TUSC3: variants seen among roughly 807,000 people sequenced by gnomAD.
TUSC3 encodes the protein dolichyl-diphosphooligosaccharide--protein glycosyltransferase subunit TUSC3.
TUSC3 carries 45 observed loss-of-function variants against 44.8 expected under a neutral mutation model. The ratio of observed to expected loss-of-function variants is 1.00; its 90% CI spans 0.79 to 1.29. The LOEUF is 1.29. Among genes scored for constraint, TUSC3 ranks in the 50% most tolerant of loss-of-function variants. TUSC3 has a pLI of 0.00. For missense variants in TUSC3, 519 were observed against 437.9 expected, an observed-to-expected ratio of 1.19 and a Z score of -1.65; for synonymous variants, 212 against 152.9, an observed-to-expected ratio of 1.39 and a Z score of -2.85.
At chr8:15,425,593 A>G (rs972657143) in intron 1 of TUSC3, among the ~76,000 whole-genome samples, 1 of 152,254 alleles carries the variant, frequency 6.6e-6, no homozygotes, top group Non-Finnish European at 1.5e-5. Flanking sequence ...AGAAGTTTGT[A>G]TGTAAGTTCA....
intron 1 of TUSC3, among the ~76,000 whole-genome samples, chr8:15,583,288 A>G (rs1232156080): frequency 2.0e-5 from 3 of 152,222 alleles, no homozygotes; most frequent in Non-Finnish European, 4.4e-5. Context: ...ATTATGTTCA[A>G]TTCTTTTTTG....
chr8:15,574,358 TATG>T (rs1443598326), intron 1 of TUSC3, among the ~76,000 whole-genome samples: 2 of 152,138 alleles, frequency 1.3e-5, no homozygotes, highest in African/African-American at 4.8e-5. Context: ...TTGTACAGAT[TATG>T]GAGTTGTCAA....
the TUSC3 span, among the ~76,000 whole-genome samples, chr8:15,779,883 A>G: frequency 0.063 from 9,634 of 152,298 alleles, 520 homozygotes; most frequent in African/African-American, 0.15. Context: ...TCTGTGTCAT[A>G]CTTAATGGTG....
intron 2 of TUSC3, among the ~76,000 whole-genome samples, chr8:15,491,175 TTGTC>T (rs1028477631): frequency 6.6e-6 from 1 of 152,058 alleles, no homozygotes; most frequent in Non-Finnish European, 1.5e-5. Context: ...AGACCTGCCT[TTGTC>T]TCAGTAGAGT....
intron 7 of TUSC3, 172 bp from the exon 8 acceptor site, chr8:15,743,366 G>C (rs1811274521): frequency 1.5e-6 from 1 of 663,182 alleles, no homozygotes; most frequent in Admixed American, 2.6e-5. Context: ...TTAAAGTTAA[G>C]GCATATTTGC....
chr8:15,705,557 C>T (rs1352433201), intron 6 of TUSC3, among the ~76,000 whole-genome samples: 5 of 152,002 alleles, frequency 3.3e-5, no homozygotes, highest in African/African-American at 9.7e-5. Flanking sequence ...ACAAGACTTA[C>T]CTTTAAAATG....
chr8:15,642,659 T>A (rs1585184850), intron 2 of TUSC3, among the ~76,000 whole-genome samples: 1 of 152,192 alleles, frequency 6.6e-6, no homozygotes, highest in Non-Finnish European at 1.5e-5. Context: ...AGTTAACGCT[T>A]TCCTCATTTT....
chr8:15,426,818 G>A (rs150961002), intron 1 of TUSC3, among the ~76,000 whole-genome samples: 2 of 152,270 alleles, frequency 1.3e-5, no homozygotes, highest in African/African-American at 2.4e-5. Context: ...TGTACTGTAT[G>A]CCATAGCTAC....
intron 1 of TUSC3, 138 bp downstream of exon 1, chr8:15,540,706 G>A (rs892980333): frequency 8.1e-7 from 1 of 1,235,700 alleles, no homozygotes. Flanking sequence ...GGAGCCGCGA[G>A]GGTGGGAGGC....
Position 15,454,999 on chromosome 8 carries a change from C to G in TUSC3, n.92-28387C>G, listed in dbSNP as rs75709807. On this transcript the variant is annotated intron_variant and non_coding_transcript_variant, in intron 1 of 5. Transcript: ENST00000503191. ...ATTAGAGGCAAAAGACCAAGAAAACCATGGGGAATCTTAGGGGTTGGAGGG... is the reference window on the plus strand; with the variant it reads ...ATTAGAGGCAAAAGACCAAGAAAACGATGGGGAATCTTAGGGGTTGGAGGG... 3.7e-3 allele frequency among the ~76,000 whole-genome samples: 568 copies of G among 152,104 alleles called. 5 individuals carry two copies. The highest frequency in any genetic ancestry group is 0.013 in the African/African-American group (529 of 41,480).
At chr8:15,800,335 G>T in the TUSC3 span, among the ~76,000 whole-genome samples, 1 of 152,156 alleles carries the variant, frequency 6.6e-6, no homozygotes, top group Non-Finnish European at 1.5e-5. Flanking sequence ...AAGGCTGGGA[G>T]GCTAAGGTGG....
At position 15,552,477 on chromosome 8, in the gene TUSC3, G is replaced by C. The variant is rs185530392; in HGVS notation, c.138+11909G>C. ...AGAAGTCAATAAACTGGGAAATAAT[G>C]GGCGCTATACTAGCATATTGGGGTG... On this transcript the variant is annotated intron_variant, in intron 1 of 10. Coordinates refer to ENST00000503731, the MANE Select transcript of TUSC3 (RefSeq NM_006765.4). Among the ~76,000 whole-genome samples, 4 of 151,666 alleles carry C rather than the reference G, an allele frequency of 2.6e-5. 1 individual carries two copies.
chr8:15,775,645 T>TATAC, the TUSC3 span, among the ~76,000 whole-genome samples: 43,984 of 134,318 alleles, frequency 0.33, 6,896 homozygotes, highest in African/African-American at 0.39. Context: ...TATATATATA[T>TATAC]ATATACACAC....
intron 1 of TUSC3, among the ~76,000 whole-genome samples, chr8:15,599,825 G>A (rs1804211310): frequency 2.0e-5 from 3 of 150,888 alleles, no homozygotes. Context: ...ACTTTGTAGT[G>A]TATGTTGAGG....
intron 1 of TUSC3, among the ~76,000 whole-genome samples, chr8:15,621,541 A>G (rs1271988086): frequency 6.8e-6 from 1 of 147,838 alleles, no homozygotes; most frequent in Non-Finnish European, 1.5e-5. Flanking sequence ...TATATAAAGT[A>G]TATTTCCAAA....
intron 1 of TUSC3, among the ~76,000 whole-genome samples, chr8:15,575,282 G>A (rs1345873728): frequency 2.6e-5 from 4 of 152,064 alleles, no homozygotes; most frequent in Non-Finnish European, 5.9e-5. Flanking sequence ...TTGTCATGTA[G>A]CCAATGTGTT....
intron 6 of TUSC3, among the ~76,000 whole-genome samples, chr8:15,685,750 C>T (rs1808601953): frequency 6.6e-6 from 1 of 152,052 alleles, no homozygotes; most frequent in Non-Finnish European, 1.5e-5. Flanking sequence ...CTCTGAAATT[C>T]TGATTCTATC....
chr8:15,662,474 C>A (rs1310757844), intron 5 of TUSC3, among the ~76,000 whole-genome samples, 178 bp downstream of exon 5: 1 of 98,448 alleles, frequency 1.0e-5, no homozygotes, highest in Non-Finnish European at 2.1e-5. Flanking sequence ...ACTGTGCTAT[C>A]TTCCTTCAAC....
intron 7 of TUSC3, among the ~76,000 whole-genome samples, chr8:15,732,581 T>A (rs909377442): frequency 2.0e-5 from 3 of 151,890 alleles, no homozygotes; most frequent in African/African-American, 7.2e-5. Flanking sequence ...AAAAATCATC[T>A]TCTAATAAAA....
Sources: gnomAD v4.1 joint callset for allele counts (sites outside exome capture counted in the v4.1 genomes callset) on GRCh38, gnomAD v4.1.1 for gene constraint, MANE v1.5 for transcripts, NCBI Gene and HGNC (gene_info 2026-07-23, HGNC 2026-07-21) for gene names.